Variants in PADI3 observed in about 807,000 individuals in gnomAD.
The protein encoded by PADI3 is peptidyl arginine deiminase 3.
PADI3 carries 53 observed loss-of-function variants against 71.5 expected under a neutral mutation model. The observed-to-expected ratio is 0.74, with a 90% CI of 0.59 to 0.93. The LOEUF (loss-of-function observed/expected upper bound fraction) is 0.93, where lower values mean the gene tolerates loss of function less well. Among genes scored for constraint, PADI3 ranks in the 40% least tolerant of loss-of-function variants. The pLI is 0.00. For synonymous variants in PADI3, 361 were observed against 347.5 expected (o/e 1.04, Z -0.43); for missense variants, 821 against 868.0 (o/e 0.95, Z 0.68).
intron 6 of PADI3, among the ~76,000 whole-genome samples, chr1:17,269,984 T>G (rs2073224118): frequency 6.6e-6 from 1 of 152,150 alleles, no homozygotes; most frequent in Non-Finnish European, 1.5e-5. Flanking sequence ...TAAACATTAC[T>G]TTGTTGGATG....
At position 17,270,867 on chromosome 1, in the gene PADI3, C is replaced by T. The variant is rs1308857883; in HGVS notation, c.832-12C>T. The T allele has an allele frequency of 2.5e-6, 4 of 1,605,450 alleles. No individual in the cohort carries two copies. The East Asian group carries it at 6.7e-5, about 27-fold the overall frequency. On this transcript the variant is annotated splice_polypyrimidine_tract_variant and intron_variant, in intron 7 of 15. Transcript: ENST00000375460. ...AGTCCAGTGCTCTTTCTCCCCTGGT[C>T]TGCCCCTGCAGGATTTCTCGGCATC...
intron 9 of PADI3, among the ~76,000 whole-genome samples, chr1:17,271,608 G>A (rs1247419813): frequency 6.6e-6 from 1 of 152,010 alleles, no homozygotes; most frequent in East Asian, 1.9e-4. Flanking sequence ...TTGATGTGCA[G>A]AATGATTGCT....
chr1:17,283,148 G>T lies in PADI3; in HGVS notation c.*69G>T, dbSNP rs1033817938. Reference sequence around the variant, plus strand: ...GCCCAGGTGGTGGAGACAGAGACAGGCCCCTGAACGATAAGCACCAAGAGA... The same window carrying T: ...GCCCAGGTGGTGGAGACAGAGACAGTCCCCTGAACGATAAGCACCAAGAGA... On this transcript the variant is annotated 3_prime_UTR_variant, in exon 16 of 16. Transcript: ENST00000375460. 9.1e-6 allele frequency: 11 copies of T among 1,208,880 alleles called. No individual in the cohort carries two copies. The Admixed American group carries it at 1.7e-4, about 18-fold the overall frequency. The allele number at this position is 1,208,880 out of a possible 1,614,324, so 74.9% of individuals were successfully genotyped here. A position where few individuals can be genotyped will look rare whatever the true frequency, so the allele number is the denominator to read the frequency against.
At chr1:17,268,806 CG>C (rs1274402848) in intron 6 of PADI3, among the ~76,000 whole-genome samples, 2 of 151,574 alleles carry the variant, frequency 1.3e-5, no homozygotes, top group Non-Finnish European at 2.9e-5. Context: ...CGTGCCTGGC[CG>C]CTTATTTTTT....
intron 11 of PADI3, among the ~76,000 whole-genome samples, chr1:17,275,704 T>C (rs1469952932): frequency 1.3e-5 from 2 of 152,090 alleles, no homozygotes; most frequent in African/African-American, 2.4e-5. Flanking sequence ...TTACTTGCTG[T>C]GGACTAGACC....
At chr1:17,268,887 T>C (rs1279417656) in intron 6 of PADI3, among the ~76,000 whole-genome samples, 1 of 73,860 alleles carries the variant, frequency 1.4e-5, no homozygotes, top group Admixed American at 1.2e-4. Flanking sequence ...TAAATCTGAC[T>C]TTTTTTTTTT....
At chr1:17,258,847 G>A (rs773428760) in intron 1 of PADI3, among the ~76,000 whole-genome samples, 11 of 152,210 alleles carry the variant, frequency 7.2e-5, no homozygotes, top group Admixed American at 2.0e-4. Flanking sequence ...ATGGGATCTG[G>A]GGTGAGAATT....
intron 13 of PADI3, chr1:17,277,968 C>T (rs1361450898): frequency 6.5e-6 from 1 of 154,438 alleles, no homozygotes; most frequent in African/African-American, 2.4e-5. Flanking sequence ...CGTTCCAGGG[C>T]ACAGCATGTG....
chr1:17,266,861 C>T (rs759898375), intron 5 of PADI3, 25 bp downstream of exon 5: 1 of 1,560,452 alleles, frequency 6.4e-7, no homozygotes, highest in South Asian at 1.1e-5. Context: ...GCCTGAGTCC[C>T]TGGGTGTCCA....
At chr1:17,274,482 C>A (rs2073298329) in intron 10 of PADI3, among the ~76,000 whole-genome samples, 153 bp from the exon 11 acceptor site, 1 of 152,216 alleles carries the variant, frequency 6.6e-6, no homozygotes, top group Non-Finnish European at 1.5e-5. Flanking sequence ...TTGACTGGGT[C>A]AGATCCCCCA....
chr1:17,264,331 T>TAC (rs60223695), intron 3 of PADI3, among the ~76,000 whole-genome samples: 5,511 of 148,164 alleles, frequency 0.037, 138 homozygotes, highest in Admixed American at 0.078. Context: ...AAAGCATATG[T>TAC]ACACACACAC....
rs780360752 is a variant in PADI3, at chr1:17,267,977, C to T, written c.652+15C>T. On this transcript the variant is annotated intron_variant, in intron 6 of 15. Transcript: ENST00000375460. ...CCACATCTGCGGTGAGTTTGTGCCA[C>T]TGCCCCTTGCCATCTGTGCCCTGTT... is the stretch of plus-strand genomic sequence containing the variant. The T allele has an allele frequency of 9.3e-6, 15 of 1,613,690 alleles. 1 individual carries two copies. The South Asian group carries it at 1.6e-4, about 18-fold the overall frequency.
intron 2 of PADI3, among the ~76,000 whole-genome samples, chr1:17,260,489 G>T (rs943765329): frequency 3.3e-5 from 5 of 152,168 alleles, no homozygotes; most frequent in African/African-American, 1.2e-4. Context: ...GGGCAGCCAT[G>T]ACCTCATCCA....
intron 13 of PADI3, among the ~76,000 whole-genome samples, chr1:17,277,115 G>A (rs1208550222): frequency 6.6e-6 from 1 of 152,180 alleles, no homozygotes; most frequent in African/African-American, 2.4e-5. Context: ...CGGGGACATA[G>A]TGGCTTCCCA....
rs2073175629 is a variant in PADI3, at chr1:17,266,835, A to C, written c.525A>C (p.Gln175His). ...GTGACCAGCACGTGCACTGCCTGCA[A>C]GGTGAGGCCGGGGCAGCCTGAGTCC... ...DNCDQHVHCL[Q>H]DLEDMSVMVL... Residue 175 changes from glutamine (Q) to histidine (H), a missense_variant and splice_region_variant, in exon 5 of 16, where the codon CAA becomes CAC. Transcript: ENST00000375460. 6.2e-7 allele frequency: 1 copy of C among 1,611,658 alleles called. No homozygotes were observed. Among genetic ancestry groups the C allele is most frequent in the South Asian group, 1.1e-5 (1 of 91,040 alleles).
intron 1 of PADI3, among the ~76,000 whole-genome samples, chr1:17,254,717 A>ATTTTTT (rs1247695105): frequency 4.3e-4 from 55 of 128,446 alleles, no homozygotes; most frequent in South Asian, 1.8e-3. Context: ...AGGCTCCAGC[A>ATTTTTT]TTTTTTTTTT....
In PADI3 at chr1:17,280,514, T is replaced by C. The variant is rs543220794; in HGVS notation, c.1635+85T>C. 4.0e-6 allele frequency: 6 copies of C among 1,484,342 alleles called. No homozygotes were observed. In the African/African-American group the frequency reaches 6.9e-5, roughly 17 times the overall value. 91.9% of individuals were successfully genotyped at this position (1,484,342 alleles called of 1,614,324 possible). A position where few individuals can be genotyped will look rare whatever the true frequency, so the allele number is the denominator to read the frequency against. On this transcript the variant is annotated intron_variant, in intron 14 of 15. Transcript: ENST00000375460. ...AGGATGGGATACAGACATCTGAGGC[T>C]AACTGTTCATGAAAGCTCAGGTTAG...
chr1:17,280,705 G>T lies in PADI3; in HGVS notation c.1670G>T (p.Arg557Leu). ...CIDWNREVLKRELGLAECDII... is the reference protein window; with the variant it reads ...CIDWNREVLKLELGLAECDII... ...GACTGGAACCGTGAGGTGCTGAAGCGGGAGCTGGGCCTGGCAGAGTGTGAC... is the reference window on the plus strand; with the variant it reads ...GACTGGAACCGTGAGGTGCTGAAGCTGGAGCTGGGCCTGGCAGAGTGTGAC... Residue 557 changes from arginine to leucine, a missense_variant, in exon 15 of 16, where the codon CGG (arginine) becomes CTG (leucine). Coordinates refer to ENST00000375460, the MANE Select transcript of PADI3 (RefSeq NM_016233.2). 6.2e-7 allele frequency: 1 copy of T among 1,614,144 alleles called. No individual in the cohort carries two copies. Among genetic ancestry groups the T allele is most frequent in the Non-Finnish European group, 8.5e-7 (1 of 1,180,034 alleles).
In PADI3 at chr1:17,280,766, G is replaced by A. The variant is rs2073390752; in HGVS notation, c.1731G>A (p.Arg577=). Reference sequence around the variant, plus strand: ...TCCCACAGCTCTTCAAGACCGAGAGGAAAAAAGCAACGGCCTTCTTCCCTG... The same window carrying A: ...TCCCACAGCTCTTCAAGACCGAGAGAAAAAAAGCAACGGCCTTCTTCCCTG... ...IDIPQLFKTE[R]KKATAFFPDL... The change falls in exon 15 of 16, where the codon AGG becomes AGA. Residue 577 remains arginine, a synonymous_variant. Transcript: ENST00000375460. 1 of 1,614,022 alleles carries A rather than the reference G, an allele frequency of 6.2e-7. No homozygotes were observed. The highest frequency in any genetic ancestry group is 8.5e-7 in the Non-Finnish European group (1 of 1,179,958).
Sources: gnomAD v4.1 joint callset for allele counts (sites outside exome capture counted in the v4.1 genomes callset) on GRCh38, gnomAD v4.1.1 for gene constraint, MANE v1.5 for transcripts, NCBI Gene and HGNC (gene_info 2026-07-23, HGNC 2026-07-21) for gene names.